The following RNGTT variants were observed in gnomAD, a reference collection of about 807,000 sequenced individuals.
RNGTT encodes mRNA-capping enzyme.
RNGTT carries 33 observed loss-of-function variants against 79.3 expected under a neutral mutation model. The ratio of observed to expected loss-of-function variants is 0.42; its 90% CI spans 0.32 to 0.56. The LOEUF is 0.56. RNGTT is among the 20% of genes least tolerant of loss of function. RNGTT has a pLI of 0.17. For synonymous variants in RNGTT, 222 were observed against 235.9 expected, an observed-to-expected ratio of 0.94 and a Z score of 0.54; for missense variants, 497 against 739.1, an observed-to-expected ratio of 0.67 and a Z score of 3.80.
chr6:88,805,577 A>T (rs1237569714), intron 11 of RNGTT, among the ~76,000 whole-genome samples: 3 of 152,178 alleles, frequency 2.0e-5, no homozygotes, highest in Non-Finnish European at 2.9e-5. Context: ...AAGCAGAAAG[A>T]CTTGGTCCTG....
intron 14 of RNGTT, among the ~76,000 whole-genome samples, chr6:88,631,294 T>A (rs1356269907): frequency 1.3e-5 from 2 of 152,260 alleles, no homozygotes; most frequent in Non-Finnish European, 2.9e-5. Flanking sequence ...ACAGGAAAAC[T>A]GACCTTAAAC....
chr6:88,617,126 C>T (rs1233928742), intron 14 of RNGTT, among the ~76,000 whole-genome samples: 1 of 152,062 alleles, frequency 6.6e-6, no homozygotes, highest in Non-Finnish European at 1.5e-5. Context: ...AAAGATTAGC[C>T]GGGCGTGGTG....
intron 13 of RNGTT, among the ~76,000 whole-genome samples, chr6:88,721,891 A>T (rs1415208281): frequency 1.3e-5 from 2 of 151,954 alleles, no homozygotes; most frequent in Non-Finnish European, 2.9e-5. Flanking sequence ...ACTAAAGTGG[A>T]GTTTTCTATC....
chr6:88,844,646 A>G, intron 10 of RNGTT, 125 bp from the exon 11 acceptor site: 2 of 808,618 alleles, frequency 2.5e-6, no homozygotes, highest in Non-Finnish European at 3.9e-6. Context: ...TATTCAGTGC[A>G]CAGCGTGCAC....
chr6:88,616,038 CTTTCTG>C (rs1160976019), intron 14 of RNGTT, among the ~76,000 whole-genome samples: 1 of 152,192 alleles, frequency 6.6e-6, no homozygotes, highest in African/African-American at 2.4e-5. Context: ...TGCCTTTCTA[CTTTCTG>C]TTTCTATGAT....
chr6:88,922,676 C>T (rs1225751823), intron 4 of RNGTT, among the ~76,000 whole-genome samples: 4 of 152,060 alleles, frequency 2.6e-5, no homozygotes, highest in Admixed American at 2.0e-4. Flanking sequence ...TACAGGCGTC[C>T]GCCACCACGC....
intron 13 of RNGTT, among the ~76,000 whole-genome samples, chr6:88,701,060 T>C (rs1775927460): frequency 6.6e-6 from 1 of 151,266 alleles, no homozygotes; most frequent in African/African-American, 2.4e-5. Flanking sequence ...GAAAGAAGAA[T>C]GTATGTATGA....
intron 13 of RNGTT, among the ~76,000 whole-genome samples, chr6:88,747,489 C>T (rs558461810): frequency 7.2e-5 from 11 of 152,106 alleles, no homozygotes; most frequent in African/African-American, 2.4e-4. Flanking sequence ...GTGGTAGAAG[C>T]GAGGGAGTAA....
chr6:88,963,496 G>T lies in RNGTT; in HGVS notation c.-87C>A. On this transcript the variant is annotated 5_prime_UTR_variant, in exon 1 of 16. Coordinates refer to ENST00000369485, the MANE Select transcript of RNGTT (RefSeq NM_003800.5). ...TCCCCGTGGTCCGGTGCACACCGGG[G>T]TCCGAGACACCCGAATCGCAGCCGT... The T allele has an allele frequency of 7.7e-7, 1 of 1,291,600 alleles. No individual in the cohort carries two copies. The highest frequency in any genetic ancestry group is 1.0e-6 in the Non-Finnish European group (1 of 960,284). The allele number at this position is 1,291,600 out of a possible 1,614,324, so 80.0% of individuals were successfully genotyped here. A position where few individuals can be genotyped will look rare whatever the true frequency, so the allele number is the denominator to read the frequency against.
chr6:88,774,298 T>C (rs1339651066), intron 12 of RNGTT, among the ~76,000 whole-genome samples: 5 of 148,378 alleles, frequency 3.4e-5, no homozygotes, highest in Non-Finnish European at 6.0e-5. Context: ...GTGACTATAA[T>C]TTAGAAAAAA....
At chr6:88,716,381 C>G (rs952751652) in intron 13 of RNGTT, among the ~76,000 whole-genome samples, 10 of 152,076 alleles carry the variant, frequency 6.6e-5, no homozygotes, top group Admixed American at 2.0e-4. Context: ...ACTGTAAACT[C>G]GTTCAACCAT....
chr6:88,654,583 T>A (rs183851345), intron 14 of RNGTT, among the ~76,000 whole-genome samples: 10 of 151,922 alleles, frequency 6.6e-5, no homozygotes, highest in Admixed American at 6.6e-4. Context: ...TTCTCATTCA[T>A]CTTTTCCTTC....
intron 13 of RNGTT, among the ~76,000 whole-genome samples, chr6:88,748,325 C>CT (rs1234071501): frequency 6.6e-6 from 1 of 152,120 alleles, no homozygotes; most frequent in Non-Finnish European, 1.5e-5. Flanking sequence ...CCCTCCTTCA[C>CT]TTAGTCATCT....
At chr6:88,729,889 A>C (rs1777050202) in intron 13 of RNGTT, among the ~76,000 whole-genome samples, 1 of 152,142 alleles carries the variant, frequency 6.6e-6, no homozygotes, top group African/African-American at 2.4e-5. Flanking sequence ...TGGTTTGGTA[A>C]ATGGAAAAGA....
chr6:88,806,929 C>T (rs184821406), intron 11 of RNGTT, among the ~76,000 whole-genome samples: 1 of 152,238 alleles, frequency 6.6e-6, no homozygotes, highest in Non-Finnish European at 1.5e-5. Context: ...GGAACAAGAT[C>T]GTATCCTTCA....
intron 10 of RNGTT, among the ~76,000 whole-genome samples, chr6:88,846,653 G>A (rs957830383): frequency 2.6e-5 from 4 of 151,970 alleles, no homozygotes; most frequent in Admixed American, 1.3e-4. Context: ...CCAGCTACTC[G>A]GAAGGCTGAG....
intron 12 of RNGTT, among the ~76,000 whole-genome samples, chr6:88,792,756 G>GA (rs773302879): frequency 7.2e-5 from 11 of 152,042 alleles, no homozygotes; most frequent in Non-Finnish European, 1.3e-4. Context: ...CTAAAAATAG[G>GA]AAAAAATCAG....
intron 14 of RNGTT, among the ~76,000 whole-genome samples, chr6:88,640,077 AT>A (rs1773250521): frequency 6.6e-6 from 1 of 152,152 alleles, no homozygotes. Flanking sequence ...TATTTATTCA[AT>A]TAGCAGCCCC....
At chr6:88,930,607 A>G (rs149451866) in intron 2 of RNGTT, among the ~76,000 whole-genome samples, 116 of 152,280 alleles carry the variant, frequency 7.6e-4, no homozygotes, top group African/African-American at 2.7e-3. Flanking sequence ...CATTCATAAA[A>G]AATGTCTAAG....
Sources: gnomAD v4.1 joint callset for allele counts (sites outside exome capture counted in the v4.1 genomes callset) on GRCh38, gnomAD v4.1.1 for gene constraint, MANE v1.5 for transcripts, NCBI Gene and HGNC (gene_info 2026-07-23, HGNC 2026-07-21) for gene names.